FNTB: variants seen among roughly 807,000 people sequenced by gnomAD.
The protein encoded by FNTB is protein farnesyltransferase subunit beta.
A neutral mutation model predicts 59.4 loss-of-function variants in FNTB; 27 were observed. The ratio of observed to expected loss-of-function variants is 0.45; its 90% CI spans 0.34 to 0.63. FNTB has a LOEUF of 0.63. FNTB is among the 20% of genes least tolerant of loss of function. FNTB has a pLI of 0.02. For synonymous variants in FNTB, 230 were observed against 220.7 expected, an observed-to-expected ratio of 1.04 and a Z score of -0.37; for missense variants, 449 against 559.6, an observed-to-expected ratio of 0.80 and a Z score of 1.99.
At chr14:65,045,936 T>G (rs2062466978) in intron 9 of FNTB, among the ~76,000 whole-genome samples, 1 of 152,218 alleles carries the variant, frequency 6.6e-6, no homozygotes, top group African/African-American at 2.4e-5. Context: ...AGTCTCTGCC[T>G]TGACCACCAG....
At chr14:65,004,177 A>G (rs1259572861) in intron 1 of FNTB, 72 bp from the exon 2 acceptor site, 2 of 1,551,658 alleles carry the variant, frequency 1.3e-6, no homozygotes, top group Non-Finnish European at 1.8e-6. Context: ...ATTTGTGGCA[A>G]TAGGAAGAAA....
chr14:65,059,302 G>A (rs10146164), intron 11 of FNTB, among the ~76,000 whole-genome samples: 17,296 of 151,576 alleles, frequency 0.11, 1,392 homozygotes, highest in African/African-American at 0.23. Context: ...TTATAGGTGT[G>A]AGCCATTGTA....
At position 65,044,132 on chromosome 14, in the gene FNTB, C is replaced by T. The variant is rs936081188; in HGVS notation, c.823-179C>T. Among the ~76,000 whole-genome samples, 8 of 152,162 alleles carry T rather than the reference C, an allele frequency of 5.3e-5. No homozygotes were observed. Among genetic ancestry groups the T allele is most frequent in the Non-Finnish European group, 1.0e-4 (7 of 68,042 alleles). ...CTACAGCGTTGGCTTAAATGCTTCA[C>T]TCTGTGTCTATGGCAGTGTGGGGAG... On this transcript the variant is annotated intron_variant, in intron 8 of 11. Transcript: ENST00000246166. The surrounding 1 kb of genome is among the most constrained non-coding windows in gnomAD (Gnocchi z 5.5).
chr14:65,006,152 G>A (rs981416179), intron 2 of FNTB: 2 of 1,518,998 alleles, frequency 1.3e-6, no homozygotes, highest in South Asian at 2.3e-5. Context: ...TGTTACCTTT[G>A]TGTCTTTTTT....
At chr14:64,998,368 T>G (rs1566861802) in intron 1 of FNTB, among the ~76,000 whole-genome samples, 1 of 152,138 alleles carries the variant, frequency 6.6e-6, no homozygotes, top group Admixed American at 6.5e-5. Context: ...TTCAAGGAGG[T>G]AAAGGAAGAC....
At chr14:65,016,074 G>T (rs1276566407) in intron 4 of FNTB, among the ~76,000 whole-genome samples, 1 of 152,164 alleles carries the variant, frequency 6.6e-6, no homozygotes, top group Non-Finnish European at 1.5e-5. Context: ...GGGGAAGCAC[G>T]TGCCAGTCCA....
chr14:65,047,182 T>A lies in FNTB; in HGVS notation c.955+2739T>A, dbSNP rs1325018243. 1.3e-5 allele frequency among the ~76,000 whole-genome samples: 2 copies of A among 152,242 alleles called. No individual in the cohort carries two copies. The highest frequency in any genetic ancestry group is 6.5e-5 in the Admixed American group (1 of 15,288). On this transcript the variant is annotated intron_variant, in intron 9 of 11. Transcript: ENST00000246166. This position sits in a 1 kb window ranked among gnomAD's most constrained non-coding sequence, Gnocchi z 5.2. ...GGAGTCTTCCCAAGCCCTCACTGTA[T>A]GCCAGGGGCTGTACTGAGCATTTCA...
At chr14:65,022,451 G>A (rs538483914) in intron 4 of FNTB, among the ~76,000 whole-genome samples, 91 of 152,112 alleles carry the variant, frequency 6.0e-4, no homozygotes, top group Non-Finnish European at 1.1e-3. Context: ...CTACTAGAAT[G>A]TTTATGTAAT....
chr14:65,010,450 T>G (rs2061665536), intron 2 of FNTB, among the ~76,000 whole-genome samples: 1 of 152,198 alleles, frequency 6.6e-6, no homozygotes, highest in African/African-American at 2.4e-5. Flanking sequence ...AGTCCCAGCA[T>G]CCTAAGACCC....
chr14:65,005,517 C>CTCTCTCTT (rs2061572727), intron 2 of FNTB, among the ~76,000 whole-genome samples: 2 of 135,754 alleles, frequency 1.5e-5, no homozygotes, highest in Admixed American at 1.5e-4. Flanking sequence ...TTCTTTCTCT[C>CTCTCTCTT]TCTCTTTCTC....
At chr14:65,045,742 T>C (rs1304825940) in intron 9 of FNTB, among the ~76,000 whole-genome samples, 2 of 152,050 alleles carry the variant, frequency 1.3e-5, no homozygotes, top group Non-Finnish European at 2.9e-5. Context: ...AGTTTCTTAA[T>C]TTCCTTTGAG....
chr14:65,045,075 C>T (rs2062445493), intron 9 of FNTB, among the ~76,000 whole-genome samples: 1 of 152,188 alleles, frequency 6.6e-6, no homozygotes. Flanking sequence ...TGTGGGGTCT[C>T]AAATGGGAAC....
intron 10 of FNTB, among the ~76,000 whole-genome samples, chr14:65,053,608 G>T (rs56114828): frequency 0.012 from 1,543 of 128,900 alleles, 10 homozygotes; most frequent in South Asian, 0.015. Context: ...TTGCTGGGTA[G>T]ATAACTCTTC....
chr14:65,052,896 G>A (rs2062646264), intron 9 of FNTB, among the ~76,000 whole-genome samples: 3 of 152,302 alleles, frequency 2.0e-5, no homozygotes, highest in South Asian at 4.2e-4. Context: ...GGACCAAGTT[G>A]GGAGCAGCTA....
At chr14:65,026,818 C>T (rs1472303572) in intron 4 of FNTB, among the ~76,000 whole-genome samples, 1 of 151,736 alleles carries the variant, frequency 6.6e-6, no homozygotes, top group Non-Finnish European at 1.5e-5. Flanking sequence ...GCTGAGATCA[C>T]ACCACTGCAC....
At position 65,032,315 on chromosome 14, in the gene FNTB, A is replaced by G; in HGVS notation, c.606-295A>G. On this transcript the variant is annotated intron_variant, in intron 6 of 11. Coordinates refer to ENST00000246166, the MANE Select transcript of FNTB (RefSeq NM_002028.4). The surrounding 1 kb of genome is among the most constrained non-coding windows in gnomAD (Gnocchi z 5.0). ...GGTCTTTGAAAGAAGAGCTGAATCCACTTTTGACATGAATTGATATGGCTG... is the reference window on the plus strand; with the variant it reads ...GGTCTTTGAAAGAAGAGCTGAATCCGCTTTTGACATGAATTGATATGGCTG... 1 of 267,120 alleles carries G rather than the reference A, an allele frequency of 3.7e-6. No homozygotes were observed. Among genetic ancestry groups the G allele is most frequent in the Non-Finnish European group, 7.0e-6 (1 of 141,970 alleles). The allele number at this position is 267,120 out of a possible 1,614,324, so 16.5% of individuals were successfully genotyped here. A position where few individuals can be genotyped will look rare whatever the true frequency, so the allele number is the denominator to read the frequency against.
intron 9 of FNTB, among the ~76,000 whole-genome samples, chr14:65,046,230 C>T (rs1246506617): frequency 1.3e-5 from 2 of 152,194 alleles, no homozygotes; most frequent in Non-Finnish European, 2.9e-5. Context: ...TCCGCCTTGG[C>T]CTCCCAAAGT....
rs770990618 is a variant in FNTB, at chr14:65,009,592, CT to C, written c.210-2724del. On this transcript the variant is annotated intron_variant, in intron 2 of 11. Coordinates refer to ENST00000246166, the MANE Select transcript of FNTB (RefSeq NM_002028.4). The surrounding 1 kb of genome is among the most constrained non-coding windows in gnomAD (Gnocchi z 4.2). ...CTTCCTTATTCCAGGCTCACCTCTC[CT>C]ACTATACCCTCATCCCAGCCCTCCT... 1.4e-3 allele frequency among the ~76,000 whole-genome samples: 220 copies of C among 152,232 alleles called. No individual in the cohort carries two copies. The highest frequency in any genetic ancestry group is 2.3e-3 in the Non-Finnish European group (157 of 68,008).
Position 65,031,778 on chromosome 14 carries a change from A to G in FNTB, c.606-832A>G, listed in dbSNP as rs111804728. Among the ~76,000 whole-genome samples the G allele has an allele frequency of 9.6e-3, 1,466 of 152,152 alleles. 22 individuals carry two copies. The highest frequency in any genetic ancestry group is 0.081 in the East Asian group (413 of 5,112). ...TCCACTAAAAATAGAAAAATAAGCC[A>G]GGCATGGTGGCATGCGCCTGTAATC... On this transcript the variant is annotated intron_variant, in intron 6 of 11. Coordinates refer to ENST00000246166, the MANE Select transcript of FNTB (RefSeq NM_002028.4). The surrounding 1 kb of genome is among the most constrained non-coding windows in gnomAD (Gnocchi z 4.6).
Sources: gnomAD v4.1 joint callset for allele counts (sites outside exome capture counted in the v4.1 genomes callset) on GRCh38, gnomAD v4.1.1 for gene constraint, Gnocchi (gnomAD v3.1) non-coding constraint, MANE v1.5 for transcripts, NCBI Gene and HGNC (gene_info 2026-07-23, HGNC 2026-07-21) for gene names.